EIF2D: variants seen among roughly 807,000 people sequenced by gnomAD.
EIF2D encodes the protein eukaryotic translation initiation factor 2D.
In EIF2D, 56 loss-of-function variants were observed where a neutral mutation model predicts 77.4. The observed-to-expected ratio is 0.72, with a 90% confidence interval of 0.58 to 0.90. EIF2D has a LOEUF of 0.90. Among genes scored for constraint, EIF2D ranks in the 40% least tolerant of loss-of-function variants. The probability of loss-of-function intolerance (pLI) is 0.00; values close to 1 mark genes in which losing one functional copy is unlikely to be tolerated. For synonymous variants in EIF2D, 230 were observed against 271.0 expected (o/e 0.85, Z 1.49); for missense variants, 574 against 706.5 (o/e 0.81, Z 2.13).
chr1:206,612,386 A>G lies in EIF2D; in HGVS notation c.-44T>C. ...GGGAAGAGAGCACAGAAGCCAGGGA[A>G]TGTCAAGAAAGCGAGGGCGCAGCAG... On this transcript the variant is annotated 5_prime_UTR_variant, in exon 1 of 15. Transcript: ENST00000271764. The G allele has an allele frequency of 6.2e-7, 1 of 1,613,126 alleles. No homozygotes were observed. The highest frequency in any genetic ancestry group is 1.7e-5 in the Admixed American group (1 of 60,014).
At chr1:206,569,754 C>G (rs782023232), downstream of EIF2D, among the ~76,000 whole-genome samples, 1 of 152,224 alleles carries the variant, frequency 6.6e-6, no homozygotes, top group African/African-American at 2.4e-5. Context: ...GGGCAGTCCC[C>G]TGGGAGGTTT....
At chr1:206,580,281 CGG>C (rs1221599202) in intron 4 of EIF2D, among the ~76,000 whole-genome samples, 1 of 152,214 alleles carries the variant, frequency 6.6e-6, no homozygotes, top group African/African-American at 2.4e-5. Context: ...CCTTTTCTTA[CGG>C]GGAAATGGCT....
chr1:206,574,236 A>C (rs908832702), intron 4 of EIF2D, among the ~76,000 whole-genome samples: 16 of 152,128 alleles, frequency 1.1e-4, no homozygotes, highest in African/African-American at 3.9e-4. Context: ...AGTCTGCGGG[A>C]GTGGCCTGAT....
At chr1:206,606,026 G>C (rs1015303453) in intron 4 of EIF2D, among the ~76,000 whole-genome samples, 5 of 152,160 alleles carry the variant, frequency 3.3e-5, no homozygotes, top group African/African-American at 4.8e-5. Flanking sequence ...GGGTTGCTCA[G>C]TGTAACTATA....
At position 206,595,699 on chromosome 1, in the gene EIF2D, T is replaced by G. The variant is rs781847030; in HGVS notation, c.1509+19A>C. 1.9e-6 allele frequency: 3 copies of G among 1,612,002 alleles called. No homozygotes were observed. Among genetic ancestry groups the G allele is most frequent in the Non-Finnish European group, 2.5e-6 (3 of 1,178,424 alleles). ...ACATTAAATCACTATCCTTGAACAT[T>G]GTGTCTTTCTAAAATTACCTTTTTA... On this transcript the variant is annotated intron_variant, in intron 13 of 14. Transcript: ENST00000271764.
intron 2 of EIF2D, chr1:206,585,349 CAGGTGGGTGTTGT>C: frequency 4.4e-6 from 6 of 1,351,846 alleles, no homozygotes; most frequent in Non-Finnish European, 6.4e-6. Flanking sequence ...TGGGTGGGTG[CAGGTGGGTGTTGT>C]CCTAACTACC....
chr1:206,574,237 G>A (rs1668553749), intron 4 of EIF2D, among the ~76,000 whole-genome samples: 1 of 152,240 alleles, frequency 6.6e-6, no homozygotes, highest in Non-Finnish European at 1.5e-5. Context: ...GTCTGCGGGA[G>A]TGGCCTGATC....
chr1:206,570,078 CTT>C (rs375900760), downstream of EIF2D, among the ~76,000 whole-genome samples: 22,757 of 117,244 alleles, frequency 0.19, 2,431 homozygotes, highest in East Asian at 0.41. Context: ...TAAAATTTAC[CTT>C]TTTTTTTTTT....
In EIF2D at chr1:206,592,419, T is replaced by A. The variant is rs1158137224; in HGVS notation, c.1685-574A>T. 6.6e-6 allele frequency among the ~76,000 whole-genome samples: 1 copy of A among 152,234 alleles called. No homozygotes were observed. The highest frequency in any genetic ancestry group is 1.5e-5 in the Non-Finnish European group (1 of 68,032). The stretch of plus-strand genomic sequence containing the variant: ...TTAGGCTCAGGCCTCCCAGGACCCC[T>A]GGGCTGGGCCAGTGAGCCTCTGAGG... On this transcript the variant is annotated intron_variant, in intron 14 of 14. Coordinates refer to ENST00000271764, the MANE Select transcript of EIF2D (RefSeq NM_006893.3). This position sits in a 1 kb window ranked among gnomAD's most constrained non-coding sequence, Gnocchi z 4.7.
chr1:206,610,563 G>C (rs1353269379), intron 2 of EIF2D, among the ~76,000 whole-genome samples: 3 of 152,090 alleles, frequency 2.0e-5, no homozygotes, highest in Admixed American at 6.5e-5. Context: ...GCTCACGTCT[G>C]TAATTCCAGC....
chr1:206,593,682 T>C lies in EIF2D; in HGVS notation c.1621A>G (p.Lys541Glu), dbSNP rs1553409473. The C allele has an allele frequency of 2.5e-6, 4 of 1,613,964 alleles. No individual in the cohort carries two copies. The highest frequency in any genetic ancestry group is 1.7e-5 in the Admixed American group (1 of 60,012). Residue 541 changes from lysine to glutamate, a missense_variant, in exon 14 of 15, where the codon AAG becomes GAG. Lys to Glu is a moderately conservative substitution (Grantham distance 56, BLOSUM62 1). Coordinates refer to ENST00000271764, the MANE Select transcript of EIF2D (RefSeq NM_006893.3). Reference sequence around the variant, plus strand: ...TGGATCTGCACCTGAAGGCTGTCCTTGGCCCCAGGGGCAGGATTGACGGTG... The same window carrying C: ...TGGATCTGCACCTGAAGGCTGTCCTCGGCCCCAGGGGCAGGATTGACGGTG... Reference protein sequence around the residue: ...STTVNPAPGAKDSLQVQIQGN... With the variant: ...STTVNPAPGAEDSLQVQIQGN...
chr1:206,611,009 C>T, intron 2 of EIF2D, 175 bp downstream of exon 2: 2 of 573,230 alleles, frequency 3.5e-6, no homozygotes, highest in Admixed American at 6.5e-5. Context: ...CCTTTTGCAT[C>T]CTAGAATTGA....
intron 7 of EIF2D, chr1:206,601,871 CGG>C (rs1416120809): frequency 6.3e-6 from 1 of 159,112 alleles, no homozygotes; most frequent in African/African-American, 2.4e-5. Flanking sequence ...TGGGGTGGGC[CGG>C]GACGGGGGGT....
chr1:206,608,224 C>A lies in EIF2D; in HGVS notation c.422+12G>T. On this transcript the variant is annotated intron_variant, in intron 4 of 14. Coordinates refer to ENST00000271764, the MANE Select transcript of EIF2D (RefSeq NM_006893.3). ...GTTTTTCCCCCAAAGGCACAGTTGCCTGGCACAGTACCTGTTCCCCACCAA... is the reference window on the plus strand; with the variant it reads ...GTTTTTCCCCCAAAGGCACAGTTGCATGGCACAGTACCTGTTCCCCACCAA... The A allele has an allele frequency of 1.2e-6, 2 of 1,608,450 alleles. No individual in the cohort carries two copies. Among genetic ancestry groups the A allele is most frequent in the Non-Finnish European group, 1.7e-6 (2 of 1,176,994 alleles).
Position 206,584,728 on chromosome 1 carries a change from T to A in EIF2D, c.139-3566A>T. The A allele has an allele frequency of 6.2e-7, 1 of 1,606,670 alleles. No homozygotes were observed. Among genetic ancestry groups the A allele is most frequent in the Non-Finnish European group, 8.5e-7 (1 of 1,175,098 alleles). ...CCAACCAGACCGTTCCCTTCCTACC[T>A]GTGTCCAAGCCCACCCACTAAAACT... is the stretch of plus-strand genomic sequence containing the variant. On this transcript the variant is annotated intron_variant and NMD_transcript_variant, in intron 2 of 5. Coordinates refer to the EIF2D transcript ENST00000472709. This position sits in a 1 kb window ranked among gnomAD's most constrained non-coding sequence, Gnocchi z 4.9.
At chr1:206,603,354 A>C in intron 5 of EIF2D, 150 bp from the exon 6 acceptor site, 11 of 1,027,882 alleles carry the variant, frequency 1.1e-5, no homozygotes, top group South Asian at 5.5e-5. Flanking sequence ...CCCTCATCTC[A>C]AGCGTACTTT....
Position 206,599,442 on chromosome 1 carries a change from G to A in EIF2D, c.1202+21C>T. ...CCAGAACACCAAGCAGGCAGAGAAG[G>A]GCTGCTCTCCAAAAACTCACTTGTG... On this transcript the variant is annotated intron_variant, in intron 10 of 14. Transcript: ENST00000271764. This position sits in a 1 kb window ranked among gnomAD's most constrained non-coding sequence, Gnocchi z 4.1. The A allele has an allele frequency of 1.9e-6, 3 of 1,612,690 alleles. No individual in the cohort carries two copies. Among genetic ancestry groups the A allele is most frequent in the Non-Finnish European group, 2.5e-6 (3 of 1,179,554 alleles).
chr1:206,599,101 GGA>G lies in EIF2D; in HGVS notation c.1203-11_1203-10del. On this transcript the variant is annotated splice_polypyrimidine_tract_variant and intron_variant, in intron 10 of 14. Transcript: ENST00000271764. The surrounding 1 kb of genome is among the most constrained non-coding windows in gnomAD (Gnocchi z 4.1). ...CCAGAAAGCTCCCCTTCCTAGGTGA[GGA>G]GAAGTGACCCAGGGGTTAGTTCATG... 6.2e-7 allele frequency: 1 copy of G among 1,613,898 alleles called. No individual in the cohort carries two copies. The highest frequency in any genetic ancestry group is 1.1e-5 in the South Asian group (1 of 91,050).
At chr1:206,593,839 C>T (rs1274148127) in intron 13 of EIF2D, 46 bp from the exon 14 acceptor site, 2 of 1,551,840 alleles carry the variant, frequency 1.3e-6, no homozygotes, top group Non-Finnish European at 1.8e-6. Flanking sequence ...GACTGCATTC[C>T]CTTCCCTCCA....
Sources: allele counts gnomAD v4.1 joint callset (sites outside exome capture counted in the v4.1 genomes callset), GRCh38; gene constraint gnomAD v4.1.1; non-coding constraint Gnocchi (gnomAD v3.1); transcripts MANE v1.5; gene names NCBI Gene and HGNC (gene_info 2026-07-23, HGNC 2026-07-21).